XPNPEP3: variants seen among roughly 807,000 people sequenced by gnomAD.
The protein encoded by XPNPEP3 is X-prolyl aminopeptidase 3, also known as xaa-Pro aminopeptidase 3.
XPNPEP3 carries 41 observed loss-of-function variants against 60.0 expected under a neutral mutation model. The observed-to-expected ratio is 0.68, with a 90% CI of 0.53 to 0.89. The LOEUF (loss-of-function observed/expected upper bound fraction) is 0.89. Among genes scored for constraint, XPNPEP3 ranks in the 40% least tolerant of loss-of-function variants. The probability of loss-of-function intolerance (pLI) is 0.00; values close to 1 mark genes in which losing one functional copy is unlikely to be tolerated. For missense variants in XPNPEP3, 598 were observed against 638.9 expected, an observed-to-expected ratio of 0.94 and a Z score of 0.69; for synonymous variants, 212 against 223.2, an observed-to-expected ratio of 0.95 and a Z score of 0.45.
At chr22:40,857,544 T>G (rs1242259031) in intron 1 of XPNPEP3, among the ~76,000 whole-genome samples, 3 of 152,264 alleles carry the variant, frequency 2.0e-5, no homozygotes, top group Non-Finnish European at 1.5e-5. Flanking sequence ...TTATCACACT[T>G]AAGTGACAAA....
chr22:40,914,057 G>A (rs962929795), intron 6 of XPNPEP3, among the ~76,000 whole-genome samples, 182 bp from the exon 7 acceptor site: 15 of 151,514 alleles, frequency 9.9e-5, no homozygotes, highest in Admixed American at 3.3e-4. Flanking sequence ...CAGGAGAATC[G>A]CTTGAACGCG....
At position 40,857,263 on chromosome 22, in the gene XPNPEP3, C is replaced by G; in HGVS notation, c.64+18C>G. 1 of 1,613,902 alleles carries G rather than the reference C, an allele frequency of 6.2e-7. No homozygotes were observed. Among genetic ancestry groups the G allele is most frequent in the Admixed American group, 1.7e-5 (1 of 60,010 alleles). ...CCTCTCAGGTTAGACTCTTCTCCCA[C>G]GGTCTCCTCCCATGGTGTCCCCTGG... On this transcript the variant is annotated intron_variant, in intron 1 of 9. Transcript: ENST00000357137.
At chr22:40,900,035 AGCC>A (rs1359407584) in intron 4 of XPNPEP3, among the ~76,000 whole-genome samples, 6 of 152,056 alleles carry the variant, frequency 3.9e-5, no homozygotes, top group African/African-American at 1.4e-4. Context: ...ACTGCATTCC[AGCC>A]TGGGCAACAG....
intron 1 of XPNPEP3, chr22:40,861,993 A>G (rs1433390736): frequency 1.1e-5 from 17 of 1,582,866 alleles, no homozygotes; most frequent in South Asian, 3.5e-5. Flanking sequence ...GTAATCCACC[A>G]TGTTTTAACA....
chr22:40,884,281 G>C (rs1363020880), intron 3 of XPNPEP3, among the ~76,000 whole-genome samples: 1 of 149,096 alleles, frequency 6.7e-6, no homozygotes, highest in Non-Finnish European at 1.5e-5. Flanking sequence ...ATTCAGTATA[G>C]TTACAATCTC....
At chr22:40,920,562 G>A (rs766099314) in intron 7 of XPNPEP3, among the ~76,000 whole-genome samples, 1 of 152,078 alleles carries the variant, frequency 6.6e-6, no homozygotes, top group Non-Finnish European at 1.5e-5. Context: ...ATGTATTGTG[G>A]GTTACCTTTT....
intron 1 of XPNPEP3, among the ~76,000 whole-genome samples, chr22:40,867,349 A>G (rs529943068): frequency 8.5e-5 from 13 of 152,254 alleles, no homozygotes; most frequent in African/African-American, 2.9e-4. Flanking sequence ...TTTAATCTCA[A>G]CAATCAATAC....
At chr22:40,914,485 A>C (rs1047268088) in intron 7 of XPNPEP3, among the ~76,000 whole-genome samples, 161 bp downstream of exon 7, 24 of 149,518 alleles carry the variant, frequency 1.6e-4, no homozygotes, top group Non-Finnish European at 2.7e-4. Flanking sequence ...TTTGTTCATC[A>C]TATCACTGGA....
chr22:40,906,313 TAGG>T (rs949450463), intron 4 of XPNPEP3, among the ~76,000 whole-genome samples: 7 of 151,314 alleles, frequency 4.6e-5, no homozygotes, highest in Admixed American at 1.3e-4. Flanking sequence ...CCCAGCTACT[TAGG>T]AGGCTAAGGC....
chr22:40,881,576 C>G (rs2058048279), intron 2 of XPNPEP3, among the ~76,000 whole-genome samples, 194 bp from the exon 3 acceptor site: 1 of 152,098 alleles, frequency 6.6e-6, no homozygotes, highest in African/African-American at 2.4e-5. Context: ...CCACATTCAA[C>G]TATCATTTCT....
chr22:40,872,749 C>A (rs528860379), intron 2 of XPNPEP3, among the ~76,000 whole-genome samples: 1 of 151,950 alleles, frequency 6.6e-6, no homozygotes, highest in Non-Finnish European at 1.5e-5. Context: ...CCACACCCAG[C>A]GATATTTACA....
chr22:40,881,575 A>G (rs1056747261), intron 2 of XPNPEP3, among the ~76,000 whole-genome samples, 195 bp from the exon 3 acceptor site: 103 of 152,204 alleles, frequency 6.8e-4, no homozygotes, highest in African/African-American at 2.5e-3. Flanking sequence ...GCCACATTCA[A>G]CTATCATTTC....
chr22:40,871,490 T>C (rs2058005457), intron 2 of XPNPEP3, among the ~76,000 whole-genome samples: 1 of 152,246 alleles, frequency 6.6e-6, no homozygotes, highest in Non-Finnish European at 1.5e-5. Flanking sequence ...CTTAATACTT[T>C]TGGGAAACAT....
intron 4 of XPNPEP3, among the ~76,000 whole-genome samples, chr22:40,892,375 C>CG (rs2058091631): frequency 6.6e-6 from 1 of 151,964 alleles, no homozygotes; most frequent in African/African-American, 2.4e-5. Context: ...TTAGTAGAGA[C>CG]GGGGTTTCAC....
In XPNPEP3 at chr22:40,858,405, TC is replaced by T. The variant is rs1193352131; in HGVS notation, c.64+1161del. Among the ~76,000 whole-genome samples, 4 of 151,594 alleles carry T rather than the reference TC, an allele frequency of 2.6e-5. 1 individual carries two copies. Among genetic ancestry groups the T allele is most frequent in the Non-Finnish European group, 5.9e-5 (4 of 67,970 alleles). On this transcript the variant is annotated intron_variant, in intron 1 of 9. Coordinates refer to ENST00000357137, the MANE Select transcript of XPNPEP3 (RefSeq NM_022098.4). ...TGGAATTTGCTTTTATTTGAAAGGC[TC>T]TCCCCAGCCTGACTAAAGGAGCCAT...
chr22:40,923,272 G>A lies in XPNPEP3; in HGVS notation c.1236+759G>A, dbSNP rs2058223406. ...AATCCTTTTATGGGTTATTCTGTAG[G>A]TCAAAGGAGAAGGTATTTGTTGTTT... On this transcript the variant is annotated intron_variant, in intron 8 of 9. Transcript: ENST00000357137. Among the ~76,000 whole-genome samples the A allele has an allele frequency of 4.0e-5, 6 of 151,850 alleles. 1 individual carries two copies. The highest frequency in any genetic ancestry group is 1.5e-4 in the African/African-American group (6 of 41,350).
In XPNPEP3 at chr22:40,888,505, A is replaced by G. The variant is rs748923269; in HGVS notation, c.792+1990A>G. On this transcript the variant is annotated intron_variant, in intron 4 of 9. Transcript: ENST00000357137. Reference sequence around the variant, plus strand: ...GCAGTCCGCCCACCTTGACCTCCCAAAGTGCTGGGATTACAGGTATGAGCT... The same window carrying G: ...GCAGTCCGCCCACCTTGACCTCCCAGAGTGCTGGGATTACAGGTATGAGCT... 9 of 346,844 alleles carry G rather than the reference A, an allele frequency of 2.6e-5. 1 individual carries two copies. Among genetic ancestry groups the G allele is most frequent in the South Asian group, 1.7e-4 (8 of 48,256 alleles). The allele number at this position is 346,844 out of a possible 1,614,324, so 21.5% of individuals were successfully genotyped here.
Position 40,882,116 on chromosome 22 carries a change from A to G in XPNPEP3, c.528A>G (p.Leu176=), listed in dbSNP as rs1166919069. 6.2e-7 allele frequency: 1 copy of G among 1,614,184 alleles called. No homozygotes were observed. Among genetic ancestry groups the G allele is most frequent in the South Asian group, 1.1e-5 (1 of 91,076 alleles). The change falls in exon 3 of 10, where the codon CTA becomes CTG. Residue 176 remains leucine (L), a synonymous_variant. Coordinates refer to ENST00000357137, the MANE Select transcript of XPNPEP3 (RefSeq NM_022098.4). ...CTGGCACTGATGGAGCAATAGCTCT[A>G]ACTGGAGTAGACGAAGCCTATACGC... ...PRSGTDGAIA[L]TGVDEAYTLE...
At position 40,932,335 on chromosome 22, in the gene XPNPEP3, GTGT is replaced by G. The variant is rs2058257575; in HGVS notation, c.*5902_*5904del. On this transcript the variant is annotated 3_prime_UTR_variant, in exon 10 of 10. Transcript: ENST00000357137. ...TAGAAGAGGTTTTTATGGTGTGATTGTGTTTTTTTTTTTTTAATTTTTGTTTCC... is the reference window on the plus strand; with the variant it reads ...TAGAAGAGGTTTTTATGGTGTGATTGTTTTTTTTTTTTAATTTTTGTTTCC... 6.7e-6 allele frequency: 1 copy of G among 150,056 alleles called. No homozygotes were observed. Among genetic ancestry groups the G allele is most frequent in the African/African-American group, 2.5e-5 (1 of 40,036 alleles). The allele number at this position is 150,056 out of a possible 1,614,324, so 9.3% of individuals were successfully genotyped here. A position where few individuals can be genotyped will look rare whatever the true frequency, so the allele number is the denominator to read the frequency against.
Sources: gnomAD v4.1 joint callset for allele counts (sites outside exome capture counted in the v4.1 genomes callset) on GRCh38, gnomAD v4.1.1 for gene constraint, MANE v1.5 for transcripts, NCBI Gene and HGNC (gene_info 2026-07-23, HGNC 2026-07-21) for gene names.